The following BPIFB2 variants were observed in gnomAD, a reference collection of about 807,000 sequenced individuals.
BPIFB2 encodes BPI fold-containing family B member 2.
Under a neutral mutation model 50.1 loss-of-function variants are expected in BPIFB2, and 39 were observed. That is an observed-to-expected ratio of 0.78 (90% confidence interval 0.60 to 1.02). The LOEUF is 1.02. BPIFB2 is among the 50% of genes least tolerant of loss of function. The pLI is 0.00. For synonymous variants in BPIFB2, 280 were observed against 256.3 expected, an observed-to-expected ratio of 1.09 and a Z score of -0.88; for missense variants, 574 against 585.8, an observed-to-expected ratio of 0.98 and a Z score of 0.21.
intron 12 of BPIFB2, 40 bp from the exon 13 acceptor site, chr20:33,020,502 G>T: frequency 6.3e-7 from 1 of 1,599,160 alleles, no homozygotes; most frequent in East Asian, 2.2e-5. Flanking sequence ...GCGTAGGGAG[G>T]TGCCAGACCC....
chr20:33,014,341 C>G (rs1436415146), intron 5 of BPIFB2, among the ~76,000 whole-genome samples: 1 of 152,228 alleles, frequency 6.6e-6, no homozygotes, highest in Admixed American at 6.5e-5. Flanking sequence ...ATAGCCAGCT[C>G]TCGCAGGCCA....
Position 33,017,096 on chromosome 20 carries a change from T to C in BPIFB2, c.571T>C (p.Leu191=). 6.2e-7 allele frequency: 1 copy of C among 1,613,956 alleles called. No homozygotes were observed. Among genetic ancestry groups the C allele is most frequent in the Non-Finnish European group, 8.5e-7 (1 of 1,179,934 alleles). ...VQGVNVHLGT[L]IGLNPVGPES... ...GGGTGTCAATGTCCACCTGGGCACCTTAATTGGTAAGATCTGGGAGCCAGG... is the reference window on the plus strand; with the variant it reads ...GGGTGTCAATGTCCACCTGGGCACCCTAATTGGTAAGATCTGGGAGCCAGG... Residue 191 remains leucine (L), a synonymous_variant, in exon 7 of 16, where the codon TTA becomes CTA. Coordinates refer to ENST00000170150, the MANE Select transcript of BPIFB2 (RefSeq NM_025227.3).
chr20:33,011,183 T>A, intron 3 of BPIFB2, 66 bp downstream of exon 3: 3 of 1,509,564 alleles, frequency 2.0e-6, no homozygotes, highest in Non-Finnish European at 2.7e-6. Context: ...GCTTGCCAGG[T>A]GGGTGCTTCA....
At position 33,018,271 on chromosome 20, in the gene BPIFB2, T is replaced by C; in HGVS notation, c.590T>C (p.Val197Ala). The C allele has an allele frequency of 6.2e-7, 1 of 1,613,480 alleles. No homozygotes were observed. Residue 197 changes from valine (V) to alanine (A), a missense_variant, in exon 8 of 16, where the codon GTG becomes GCG. Transcript: ENST00000170150. ...HLGTLIGLNP[V>A]GPESQIRYSM... ...TGGTTTCATGAAGGCCTCAACCCCG[T>C]GGGTCCTGAGTCCCAGATCCGCTAT...
chr20:33,022,333 C>T (rs1329665172), intron 15 of BPIFB2, among the ~76,000 whole-genome samples: 1 of 152,186 alleles, frequency 6.6e-6, no homozygotes, highest in African/African-American at 2.4e-5. Flanking sequence ...TCTCTCAAGC[C>T]CAATGTCTCA....
At chr20:33,018,453 AG>A in intron 8 of BPIFB2, 103 bp downstream of exon 8, 1 of 1,317,886 alleles carries the variant, frequency 7.6e-7, no homozygotes, top group Non-Finnish European at 1.1e-6. Context: ...AAAGGAGAGG[AG>A]GAGCTGGAAT....
intron 3 of BPIFB2, among the ~76,000 whole-genome samples, chr20:33,011,789 G>A (rs893112547): frequency 1.3e-5 from 2 of 152,136 alleles, no homozygotes; most frequent in African/African-American, 4.8e-5. Context: ...GACCAGCCTG[G>A]CTAACATGGT....
intron 15 of BPIFB2, among the ~76,000 whole-genome samples, chr20:33,022,173 C>T (rs774409607): frequency 7.2e-5 from 11 of 152,194 alleles, no homozygotes; most frequent in Non-Finnish European, 1.5e-4. Context: ...TCTAAAATTG[C>T]TTTCCCTGGA....
In BPIFB2 at chr20:33,018,242, A is replaced by T; in HGVS notation, c.578-17A>T. On this transcript the variant is annotated splice_polypyrimidine_tract_variant and intron_variant, in intron 7 of 15. Coordinates refer to ENST00000170150, the MANE Select transcript of BPIFB2 (RefSeq NM_025227.3). Reference sequence around the variant, plus strand: ...CTAAATATGCCATCTTTTCTTCTCTACCCTGGTTTCATGAAGGCCTCAACC... The same window carrying T: ...CTAAATATGCCATCTTTTCTTCTCTTCCCTGGTTTCATGAAGGCCTCAACC... The T allele has an allele frequency of 6.3e-7, 1 of 1,581,742 alleles. No individual in the cohort carries two copies. Among genetic ancestry groups the T allele is most frequent in the Non-Finnish European group, 8.7e-7 (1 of 1,152,558 alleles).
intron 6 of BPIFB2, among the ~76,000 whole-genome samples, chr20:33,016,255 C>T (rs548399615): frequency 2.6e-5 from 4 of 152,192 alleles, no homozygotes; most frequent in African/African-American, 9.6e-5. Context: ...ATGAGAAAAC[C>T]GAGGCTCGAG....
rs750444422 is a variant in BPIFB2 at position 33,010,939 on chromosome 20, G to T, written c.110-85G>T. 27 of 1,189,044 alleles carry T rather than the reference G, an allele frequency of 2.3e-5. No individual in the cohort carries two copies. The African/African-American group carries it at 3.3e-4, about 15-fold the overall frequency. 73.7% of individuals were successfully genotyped at this position (1,189,044 alleles called of 1,614,324 possible). A position where few individuals can be genotyped will look rare whatever the true frequency, so the allele number is the denominator to read the frequency against. ...CCAGTCTGAGTACCCTCTGCCCAAGGTGCAGGGTAGATGGCAGGCAGTGTG... is the reference window on the plus strand; with the variant it reads ...CCAGTCTGAGTACCCTCTGCCCAAGTTGCAGGGTAGATGGCAGGCAGTGTG... On this transcript the variant is annotated intron_variant, in intron 2 of 15. Coordinates refer to ENST00000170150, the MANE Select transcript of BPIFB2 (RefSeq NM_025227.3).
chr20:33,022,259 T>C (rs6119316), intron 15 of BPIFB2, among the ~76,000 whole-genome samples: 77,874 of 152,094 alleles, frequency 0.51, 22,947 homozygotes, highest in African/African-American at 0.82. Flanking sequence ...CTTTCTTCTG[T>C]ACCTGGGATA....
intron 14 of BPIFB2, 97 bp from the exon 15 acceptor site, chr20:33,021,626 T>C: frequency 7.9e-7 from 1 of 1,268,448 alleles, no homozygotes; most frequent in South Asian, 1.2e-5. Context: ...GGCATCCATC[T>C]TCCAGATGCC....
At chr20:33,015,621 C>A (rs1386517095) in intron 6 of BPIFB2, 125 bp downstream of exon 6, 5 of 834,636 alleles carry the variant, frequency 6.0e-6, no homozygotes, top group Admixed American at 3.0e-5. Context: ...AAAGACGCCC[C>A]TTCATGGTCC....
At chr20:33,021,478 C>T (rs1978668862) in intron 14 of BPIFB2, 134 bp downstream of exon 14, 5 of 1,049,708 alleles carry the variant, frequency 4.8e-6, no homozygotes, top group Non-Finnish European at 5.7e-6. Context: ...AGTCTAGCAG[C>T]CCATGTGTGC....
chr20:33,018,257 A>G lies in BPIFB2; in HGVS notation c.578-2A>G. ...TTTCTTCTCTACCCTGGTTTCATGAAGGCCTCAACCCCGTGGGTCCTGAGT... is the reference window on the plus strand; with the variant it reads ...TTTCTTCTCTACCCTGGTTTCATGAGGGCCTCAACCCCGTGGGTCCTGAGT... On this transcript the variant is annotated splice_acceptor_variant, in intron 7 of 15. Coordinates refer to ENST00000170150, the MANE Select transcript of BPIFB2 (RefSeq NM_025227.3). LOFTEE classifies it high-confidence loss of function. 1 of 1,608,384 alleles carries G rather than the reference A, an allele frequency of 6.2e-7. No individual in the cohort carries two copies. The highest frequency in any genetic ancestry group is 1.3e-5 in the African/African-American group (1 of 74,886).
intron 10 of BPIFB2, 28 bp downstream of exon 10, chr20:33,019,143 G>A: frequency 6.2e-7 from 1 of 1,613,814 alleles, no homozygotes; most frequent in South Asian, 1.1e-5. Context: ...TCATTCCAGG[G>A]ACTGAGACAA....
At position 33,013,731 on chromosome 20, in the gene BPIFB2, G is replaced by C. The variant is rs972337116; in HGVS notation, c.309-79G>C. 7 of 1,529,436 alleles carry C rather than the reference G, an allele frequency of 4.6e-6. No individual in the cohort carries two copies. In the African/African-American group the frequency reaches 9.6e-5, roughly 21 times the overall value. 94.7% of individuals were successfully genotyped at this position (1,529,436 alleles called of 1,614,324 possible). The stretch of plus-strand genomic sequence containing the variant: ...AAGTGGAGGGCAGGCAGGGGCTGGG[G>C]AATTTGTAAGATCTATCATCAGTCA... On this transcript the variant is annotated intron_variant, in intron 4 of 15. Coordinates refer to ENST00000170150, the MANE Select transcript of BPIFB2 (RefSeq NM_025227.3).
intron 12 of BPIFB2, 29 bp from the exon 13 acceptor site, chr20:33,020,513 T>A (rs1295373978): frequency 6.2e-7 from 1 of 1,601,486 alleles, no homozygotes; most frequent in South Asian, 1.1e-5. Context: ...TGCCAGACCC[T>A]GTCCTGAATT....
Sources: allele counts gnomAD v4.1 joint callset (sites outside exome capture counted in the v4.1 genomes callset), GRCh38; gene constraint gnomAD v4.1.1; transcripts MANE v1.5; gene names NCBI Gene and HGNC (gene_info 2026-07-23, HGNC 2026-07-21).